The following FKBP11 variants were observed in gnomAD, a reference collection of about 807,000 sequenced individuals.
FKBP11 encodes the protein FKBP prolyl isomerase 11, also known as peptidyl-prolyl cis-trans isomerase FKBP11.
A neutral mutation model predicts 24.7 loss-of-function variants in FKBP11; 21 were observed. The ratio of observed to expected loss-of-function variants is 0.85; its 90% confidence interval spans 0.60 to 1.23. FKBP11 has a LOEUF of 1.23. Among genes scored for constraint, FKBP11 ranks in the 50% most tolerant of loss-of-function variants. The pLI, the probability that FKBP11 is intolerant of heterozygous loss-of-function variation, is 0.00. For synonymous variants in FKBP11, 106 were observed against 100.6 expected (o/e 1.05, Z -0.32); for missense variants, 245 against 248.7 (o/e 0.99, Z 0.10).
upstream of FKBP11, among the ~76,000 whole-genome samples, chr12:48,926,815 T>C (rs1939977468): frequency 6.6e-6 from 1 of 151,278 alleles, no homozygotes; most frequent in Admixed American, 6.6e-5. Flanking sequence ...GTTTTTGTTG[T>C]TGTTGTTTGT....
chr12:48,925,336 G>A lies in FKBP11; in HGVS notation c.93C>T (p.Thr31=), dbSNP rs748618203. ...AVCRAEAGLE[T]ESPVRTLQVE... Reference sequence around the variant, plus strand: ...CTTGGAGGGTCCGGACGGGACTTTCGGTTTCGAGCCCAGCCTCAGCCCGGC... The same window carrying A: ...CTTGGAGGGTCCGGACGGGACTTTCAGTTTCGAGCCCAGCCTCAGCCCGGC... Residue 31 remains threonine, a synonymous_variant, in exon 1 of 6, where the codon ACC becomes ACT. Coordinates refer to ENST00000550765, the MANE Select transcript of FKBP11 (RefSeq NM_016594.3). 2 of 1,610,570 alleles carry A rather than the reference G, an allele frequency of 1.2e-6. No individual in the cohort carries two copies. Among genetic ancestry groups the A allele is most frequent in the Middle Eastern group, 1.7e-4 (1 of 6,058 alleles).
chr12:48,925,047 G>T lies in FKBP11; in HGVS notation c.194C>A (p.Thr65Lys). Residue 65 changes from threonine (T) to lysine (K), a missense_variant and splice_region_variant, in exon 2 of 6, where the codon ACG becomes AAG. By Grantham distance (78) the Thr-to-Lys change is moderately conservative (BLOSUM62 -1). Coordinates refer to ENST00000550765, the MANE Select transcript of FKBP11 (RefSeq NM_016594.3). ...AFGDTLHIHY[T>K]GSLVDGRIID... The stretch of plus-strand genomic sequence containing the variant: ...GCCCCGGCCCCCCAGACCCCTCACC[G>T]TGTAGTGTATGTGAAGCGTGTCTCC... 1 of 1,070,882 alleles carries T rather than the reference G, an allele frequency of 9.3e-7. No homozygotes were observed. The highest frequency in any genetic ancestry group is 1.4e-6 in the Non-Finnish European group (1 of 740,358). The allele number at this position is 1,070,882 out of a possible 1,614,324, so 66.3% of individuals were successfully genotyped here.
chr12:48,930,833 A>G (rs1173314989), upstream of FKBP11, among the ~76,000 whole-genome samples: 1 of 152,148 alleles, frequency 6.6e-6, no homozygotes, highest in Non-Finnish European at 1.5e-5. Context: ...AGAGGGAATT[A>G]AGGGCTAGTT....
upstream of FKBP11, chr12:48,926,427 G>GTTGGA (rs1565701549): frequency 6.6e-6 from 1 of 150,714 alleles, no homozygotes; most frequent in African/African-American, 2.4e-5. Context: ...GTTTCACCAT[G>GTTGGA]TTGGCCAGGC....
At chr12:48,935,989 T>A in the FKBP11 span, 2 of 152,200 alleles carry the variant, frequency 1.3e-5, no homozygotes, top group African/African-American at 4.8e-5. Flanking sequence ...CCCAATTCAT[T>A]TGGGCTCCCC....
In FKBP11 at chr12:48,924,622, A is replaced by C; in HGVS notation, c.222T>G (p.Ile74Met). Reference protein sequence around the residue: ...YTGSLVDGRIIDTSLTRDPLV... With the variant: ...YTGSLVDGRIMDTSLTRDPLV... Reference sequence around the variant, plus strand: ...GAGGGTCTCTGGTCAGGGAGGTGTCAATAATACGTCCATCTACCAAGCTTC... The same window carrying C: ...GAGGGTCTCTGGTCAGGGAGGTGTCCATAATACGTCCATCTACCAAGCTTC... The change falls in exon 3 of 6, where the codon ATT becomes ATG. Residue 74 changes from isoleucine to methionine, a missense_variant. Ile to Met is a conservative substitution (Grantham distance 10, BLOSUM62 1). Coordinates refer to ENST00000550765, the MANE Select transcript of FKBP11 (RefSeq NM_016594.3). The C allele has an allele frequency of 6.2e-7, 1 of 1,614,056 alleles. No individual in the cohort carries two copies. Among genetic ancestry groups the C allele is most frequent in the East Asian group, 2.2e-5 (1 of 44,858 alleles).
chr12:48,923,524 G>A (rs566836796), intron 5 of FKBP11: 1 of 1,551,254 alleles, frequency 6.4e-7, no homozygotes, highest in African/African-American at 1.4e-5. Flanking sequence ...AGACCCATGT[G>A]GCCCAAGCAG....
upstream of FKBP11, among the ~76,000 whole-genome samples, chr12:48,928,421 T>C (rs1940008322): frequency 2.0e-5 from 3 of 151,870 alleles, no homozygotes; most frequent in South Asian, 6.2e-4. Context: ...CTCGGCTCAC[T>C]GCAACCTCCG....
chr12:48,928,369 G>C (rs1395151278), upstream of FKBP11, among the ~76,000 whole-genome samples: 1 of 149,224 alleles, frequency 6.7e-6, no homozygotes, highest in African/African-American at 2.5e-5. Flanking sequence ...TCTTTTGACC[G>C]AGTCTCGCTC....
the FKBP11 span, among the ~76,000 whole-genome samples, chr12:48,933,951 C>T: frequency 0.027 from 4,143 of 152,192 alleles, 193 homozygotes; most frequent in African/African-American, 0.092. Flanking sequence ...AGGGGTGTCC[C>T]CCAACTCTCA....
At chr12:48,930,058 T>C (rs1940028452), upstream of FKBP11, among the ~76,000 whole-genome samples, 3 of 152,346 alleles carry the variant, frequency 2.0e-5, no homozygotes, top group South Asian at 6.2e-4. Context: ...AGGTCAAGGT[T>C]GCAATCATGT....
At position 48,924,596 on chromosome 12, in the gene FKBP11, AGAGGGTCTCTGGTCAGG is replaced by A; in HGVS notation, c.231_247del (p.Leu78GlyfsTer54). ...CTGCTTTTGGCCAAGTTCTATAACC[AGAGGGTCTCTGGTCAGG>A]GAGGTGTCAATAATACGTCCATCTA... On this transcript the variant is annotated frameshift_variant, in exon 3 of 6. Coordinates refer to ENST00000550765, the MANE Select transcript of FKBP11 (RefSeq NM_016594.3). LOFTEE classifies it high-confidence loss of function. The A allele has an allele frequency of 6.2e-7, 1 of 1,614,088 alleles. No individual in the cohort carries two copies.
intron 3 of FKBP11, 42 bp downstream of exon 3, chr12:48,924,519 T>G: frequency 6.4e-7 from 1 of 1,564,952 alleles, no homozygotes; most frequent in Non-Finnish European, 8.8e-7. Flanking sequence ...AAGAAAGGGC[T>G]TAGGTTGGGA....
the FKBP11 span, chr12:48,938,944 C>T: frequency 6.2e-7 from 1 of 1,611,580 alleles, no homozygotes; most frequent in Admixed American, 1.7e-5. Context: ...GGCTGTCTGG[C>T]TTTCACTTCT....
In FKBP11 at chr12:48,921,969, A is replaced by T; in HGVS notation, c.*15T>A. 3 of 1,544,044 alleles carry T rather than the reference A, an allele frequency of 1.9e-6. No individual in the cohort carries two copies. The highest frequency in any genetic ancestry group is 2.8e-5 in the African/African-American group (2 of 71,350). On this transcript the variant is annotated 3_prime_UTR_variant, in exon 6 of 6. Transcript: ENST00000550765. ...GATGAAGAATGCAAATAAGTTTTTT[A>T]AAATTTATTATTTATTATTTCTTTT...
At chr12:48,934,441 G>A in the FKBP11 span, among the ~76,000 whole-genome samples, 2 of 152,142 alleles carry the variant, frequency 1.3e-5, no homozygotes, top group Non-Finnish European at 2.9e-5. Flanking sequence ...CCTAAGAGCT[G>A]GGTGCTAAGT....
chr12:48,926,518 TTTC>T (rs1470235968), upstream of FKBP11: 9 of 120,386 alleles, frequency 7.5e-5, no homozygotes, highest in African/African-American at 1.4e-4. Context: ...AGCCACCAGA[TTTC>T]TTTTTTTTTT....
In FKBP11 at chr12:48,923,831, A is replaced by G. The variant is rs1334829854; in HGVS notation, c.339T>C (p.Ile113=). 6.2e-7 allele frequency: 1 copy of G among 1,614,002 alleles called. No homozygotes were observed. The highest frequency in any genetic ancestry group is 8.5e-7 in the Non-Finnish European group (1 of 1,180,006). The stretch of plus-strand genomic sequence containing the variant: ...GTTTTCCATAGGCCAAGTGAGAAGG[A>G]ATGATTGCCCTTCGCTTCTCTCTGA... ...MCVGEKRRAI[I]PSHLAYGKRG... Residue 113 remains isoleucine, a synonymous_variant, in exon 5 of 6, where the codon ATT becomes ATC. Transcript: ENST00000550765.
At chr12:48,933,118 C>G in the FKBP11 span, among the ~76,000 whole-genome samples, 1 of 152,222 alleles carries the variant, frequency 6.6e-6, no homozygotes, top group African/African-American at 2.4e-5. Context: ...CTCACATCTA[C>G]ACCTCCAACC....
Sources: allele counts gnomAD v4.1 joint callset (sites outside exome capture counted in the v4.1 genomes callset), GRCh38; gene constraint gnomAD v4.1.1; transcripts MANE v1.5; gene names NCBI Gene and HGNC (gene_info 2026-07-23, HGNC 2026-07-21).